Variants in MYH11 observed in about 807,000 individuals in gnomAD.
The protein encoded by MYH11 is myosin-11.
In MYH11, 80 loss-of-function variants were observed where a neutral mutation model predicts 246.6. That is an observed-to-expected ratio of 0.32 (90% CI 0.27 to 0.39). The LOEUF (loss-of-function observed/expected upper bound fraction) is 0.39. Ranked by LOEUF, MYH11 falls within the 10% of genes least tolerant of loss-of-function variation. The pLI is 1.00. For synonymous variants in MYH11, 1,071 were observed against 1,015.5 expected (o/e 1.05, Z -1.04); for missense variants, 2,158 against 2,546.8 (o/e 0.85, Z 3.29).
intron 3 of MYH11, among the ~76,000 whole-genome samples, chr16:15,802,065 T>A (rs1250801405): frequency 6.6e-6 from 1 of 152,242 alleles, no homozygotes; most frequent in Non-Finnish European, 1.5e-5. Flanking sequence ...ATCCTGGTTA[T>A]GTTTGTGCTA....
intron 30 of MYH11, 67 bp downstream of exon 30, chr16:15,724,580 T>C: frequency 6.2e-7 from 1 of 1,610,454 alleles, no homozygotes; most frequent in East Asian, 2.2e-5. Flanking sequence ...GCGATCTGCC[T>C]GCGGGGGATC....
rs750288554 is a variant in MYH11 at position 15,757,828 on chromosome 16, G to T, written c.1574C>A (p.Pro525Gln). The T allele has an allele frequency of 1.2e-6, 2 of 1,614,196 alleles. No homozygotes were observed. The highest frequency in any genetic ancestry group is 1.7e-6 in the Non-Finnish European group (2 of 1,180,036). ...LQPCIELIER[P>Q]NNPPGVLALL... ...CCCGCACGCCCACGTGCCCCTCACC[G>T]GTCGCTCGATGAGCTCGATGCAGGG... The change falls in exon 13 of 41, where the codon CCG becomes CAG. Residue 525 changes from proline (P) to glutamine (Q), a missense_variant and splice_region_variant. Transcript: ENST00000300036.
chr16:15,714,806 G>A lies in MYH11; in HGVS notation c.5786+103C>T, dbSNP rs146386797. On this transcript the variant is annotated intron_variant, in intron 40 of 40. Coordinates refer to ENST00000300036, the MANE Select transcript of MYH11 (RefSeq NM_002474.3). ...GGAATAAACCACAGAAGGGAGTGGC[G>A]GCTGTGGGCACAAGGGGCATTTGCA... is the stretch of plus-strand genomic sequence containing the variant. The A allele has an allele frequency of 1.3e-3, 1,746 of 1,386,380 alleles. 17 individuals carry two copies. The highest frequency in any genetic ancestry group is 8.3e-3 in the South Asian group (719 of 86,260). 85.9% of individuals were successfully genotyped at this position (1,386,380 alleles called of 1,614,324 possible).
chr16:15,705,426 G>A (rs527519429), intron 40 of MYH11, among the ~76,000 whole-genome samples: 2 of 152,050 alleles, frequency 1.3e-5, no homozygotes, highest in Admixed American at 6.5e-5. Context: ...CTTTGGGTAG[G>A]AGGAAGAGAG....
intron 3 of MYH11, among the ~76,000 whole-genome samples, chr16:15,821,746 G>A (rs886472273): frequency 6.9e-6 from 1 of 145,874 alleles, no homozygotes; most frequent in Admixed American, 6.8e-5. Context: ...GTGAAACCCC[G>A]TCTCTACTAA....
At position 15,854,573 on chromosome 16, in the gene MYH11, G is replaced by A. The variant is rs146098678; in HGVS notation, c.-18+2368C>T. The stretch of plus-strand genomic sequence containing the variant: ...ATGTCCACAAAGCGTTTAGCATCTC[G>A]CCAGGCAAAAGTGCCCAAAAAACAT... On this transcript the variant is annotated intron_variant, in intron 1 of 40. Coordinates refer to ENST00000300036, the MANE Select transcript of MYH11 (RefSeq NM_002474.3). Among the ~76,000 whole-genome samples the A allele has an allele frequency of 2.8e-3, 424 of 152,262 alleles. 3 individuals are homozygous for A. Among genetic ancestry groups the A allele is most frequent in the African/African-American group, 9.7e-3 (401 of 41,534 alleles).
intron 27 of MYH11, 21 bp downstream of exon 27, chr16:15,732,543 A>T (rs1456776824): frequency 4.3e-6 from 7 of 1,613,714 alleles, no homozygotes; most frequent in Non-Finnish European, 5.9e-6. Context: ...ATCACCAAAA[A>T]GCATCACCAA....
intron 27 of MYH11, 171 bp downstream of exon 27, chr16:15,732,393 C>A (rs2040991482): frequency 9.6e-7 from 1 of 1,036,816 alleles, no homozygotes; most frequent in Non-Finnish European, 1.4e-6. Context: ...AGCCACCTCA[C>A]CCAGCCTGTA....
chr16:15,734,808 A>G (rs148013168), intron 26 of MYH11, among the ~76,000 whole-genome samples: 18 of 152,304 alleles, frequency 1.2e-4, no homozygotes, highest in African/African-American at 4.3e-4. Context: ...GCCCAAGACA[A>G]ATCTTTTTCT....
At chr16:15,830,793 G>A (rs545515745) in intron 2 of MYH11, among the ~76,000 whole-genome samples, 42 of 152,118 alleles carry the variant, frequency 2.8e-4, no homozygotes, top group South Asian at 1.0e-3. Context: ...CGGGATGATC[G>A]CTTGAATCCA....
intron 3 of MYH11, among the ~76,000 whole-genome samples, chr16:15,811,292 G>T (rs1428954309): frequency 6.6e-6 from 1 of 152,176 alleles, no homozygotes; most frequent in Non-Finnish European, 1.5e-5. Context: ...AAGACACAAG[G>T]CCTATGCTAG....
At chr16:15,746,731 T>C (rs1335894949) in intron 19 of MYH11, among the ~76,000 whole-genome samples, 1 of 152,058 alleles carries the variant, frequency 6.6e-6, no homozygotes, top group African/African-American at 2.4e-5. Context: ...GCCTTATAAA[T>C]CCCACTGGGA....
intron 2 of MYH11, among the ~76,000 whole-genome samples, chr16:15,833,389 A>AAGGAAGGAAGGAAGGG (rs1555458574): frequency 1.5e-3 from 171 of 113,354 alleles, no homozygotes; most frequent in Non-Finnish European, 3.0e-3. Flanking sequence ...GGGAGGGAGG[A>AAGGAAGGAAGGAAGGG]AGGAAGGAAG....
intron 9 of MYH11, among the ~76,000 whole-genome samples, chr16:15,764,919 T>C (rs2041948568): frequency 6.6e-6 from 1 of 152,234 alleles, no homozygotes; most frequent in Non-Finnish European, 1.5e-5. Flanking sequence ...TGTCCAGGTG[T>C]CTCCAAACAA....
chr16:15,736,807 G>A (rs1265444633), intron 25 of MYH11, among the ~76,000 whole-genome samples: 1 of 152,140 alleles, frequency 6.6e-6, no homozygotes, highest in African/African-American at 2.4e-5. Flanking sequence ...CAGTACACCT[G>A]GCCAGGTGTC....
chr16:15,717,622 C>T, intron 37 of MYH11: 1 of 560,440 alleles, frequency 1.8e-6, no homozygotes, highest in South Asian at 2.2e-5. Context: ...TGGTGAAACC[C>T]CGTCTCTATT....
At chr16:15,771,463 T>A in intron 9 of MYH11, 106 bp downstream of exon 9, 3 of 824,380 alleles carry the variant, frequency 3.6e-6, no homozygotes, top group South Asian at 5.8e-5. Flanking sequence ...TAATGGAAGG[T>A]GGGGAATTCA....
chr16:15,751,607 A>G lies in MYH11; in HGVS notation c.1865-1276T>C, dbSNP rs546377465. 2.1e-5 allele frequency among the ~76,000 whole-genome samples: 3 copies of G among 141,966 alleles called. No individual in the cohort carries two copies. The East Asian group carries it at 6.2e-4, about 30-fold the overall frequency. 93.1% of individuals were successfully genotyped at this position (141,966 alleles called of 152,430 possible). On this transcript the variant is annotated intron_variant, in intron 15 of 40. Transcript: ENST00000300036. ...CCTTCTACTCAGATTCTGTGTAACAATCTTTTTTTTTTTTTTTTTTTTTTG... is the reference window on the plus strand; with the variant it reads ...CCTTCTACTCAGATTCTGTGTAACAGTCTTTTTTTTTTTTTTTTTTTTTTG...
rs775007509 is a variant in MYH11 at position 15,719,242 on chromosome 16, G to A, written c.5149C>T (p.Leu1717=). Reference sequence around the variant, plus strand: ...TACCTTCCCGACAGGCTACTGGCCAGCTCCTCTGCCAGTTCCTCCTTCTCG... The same window carrying A: ...TACCTTCCCGACAGGCTACTGGCCAACTCCTCTGCCAGTTCCTCCTTCTCG... ...DLEKEELAEE[L]ASSLSGRNAL... is the part of the protein sequence containing the mutation. The change falls in exon 36 of 41, where the codon CTG becomes TTG. Residue 1717 remains leucine, a synonymous_variant. Coordinates refer to ENST00000300036, the MANE Select transcript of MYH11 (RefSeq NM_002474.3). 1.4e-5 allele frequency: 22 copies of A among 1,613,636 alleles called. No homozygotes were observed. Among genetic ancestry groups the A allele is most frequent in the Non-Finnish European group, 1.7e-5 (20 of 1,180,046 alleles).
Sources: gnomAD v4.1 joint callset for allele counts (sites outside exome capture counted in the v4.1 genomes callset) on GRCh38, gnomAD v4.1.1 for gene constraint, MANE v1.5 for transcripts, NCBI Gene and HGNC (gene_info 2026-07-23, HGNC 2026-07-21) for gene names.